The following TAFA5 variants were observed in gnomAD, a reference collection of about 807,000 sequenced individuals.
The protein encoded by TAFA5 is TAFA chemokine like family member 5.
In TAFA5, 6 loss-of-function variants were observed where a neutral mutation model predicts 15.3. The ratio of observed to expected loss-of-function variants is 0.39; its 90% CI spans 0.21 to 0.77. The LOEUF (loss-of-function observed/expected upper bound fraction) is 0.77. Among genes scored for constraint, TAFA5 ranks in the 30% least tolerant of loss-of-function variants. TAFA5 has a pLI of 0.41. For missense variants in TAFA5, 161 were observed against 193.1 expected (o/e 0.83, Z 0.98); for synonymous variants, 103 against 80.7 (o/e 1.28, Z -1.48).
At chr22:48,546,677 AGGATGGGGGGCT>A (rs2147123968) in intron 1 of TAFA5, 2 of 454,826 alleles carry the variant, frequency 4.4e-6, no homozygotes, top group South Asian at 1.6e-5. Flanking sequence ...GAGGGTCCGC[AGGATGGGGGGCT>A]CACCTCCATT....
chr22:48,627,937 G>T (rs796473833), intron 1 of TAFA5, among the ~76,000 whole-genome samples: 3 of 152,344 alleles, frequency 2.0e-5, no homozygotes, highest in African/African-American at 7.2e-5. Flanking sequence ...GACCCGGCAG[G>T]CAGGTGTGTG....
At chr22:48,733,328 C>T (rs916119473) in intron 3 of TAFA5, among the ~76,000 whole-genome samples, 2 of 152,220 alleles carry the variant, frequency 1.3e-5, no homozygotes, top group African/African-American at 4.8e-5. Context: ...CAGGGCCCAG[C>T]GTCCATCTGA....
intron 1 of TAFA5, among the ~76,000 whole-genome samples, chr22:48,496,188 G>C (rs569975632): frequency 1.3e-5 from 2 of 152,328 alleles, no homozygotes; most frequent in Admixed American, 1.3e-4. Flanking sequence ...TGTGTGTTGT[G>C]GTGGCCACTG....
At position 48,646,763 on chromosome 22, in the gene TAFA5, C is replaced by T; in HGVS notation, c.262+17C>T. 3 of 1,557,648 alleles carry T rather than the reference C, an allele frequency of 1.9e-6. No individual in the cohort carries two copies. Among genetic ancestry groups the T allele is most frequent in the Non-Finnish European group, 2.6e-6 (3 of 1,156,074 alleles). ...GTGTGGACGGTAAGCACCCGTGGCCCCAGGACCCCTCCGGGTGCTGAGCGC... is the reference window on the plus strand; with the variant it reads ...GTGTGGACGGTAAGCACCCGTGGCCTCAGGACCCCTCCGGGTGCTGAGCGC... On this transcript the variant is annotated intron_variant, in intron 2 of 3. Transcript: ENST00000402357.
chr22:48,500,593 C>T (rs752986422), intron 1 of TAFA5, among the ~76,000 whole-genome samples: 24 of 152,224 alleles, frequency 1.6e-4, no homozygotes, highest in Non-Finnish European at 3.4e-4. Context: ...CTGTGCTGTC[C>T]GCCTCTTCTC....
At chr22:48,542,325 A>ATGTGTGTGGTG (rs781381084) in intron 1 of TAFA5, among the ~76,000 whole-genome samples, 14 of 52,054 alleles carry the variant, frequency 2.7e-4, no homozygotes, top group African/African-American at 7.8e-4. Context: ...TGTGTGTGTG[A>ATGTGTGTGGTG]TGTGTGTGGT....
At chr22:48,582,778 C>CATGAAAT (rs1924120682) in intron 1 of TAFA5, among the ~76,000 whole-genome samples, 1 of 150,562 alleles carries the variant, frequency 6.6e-6, no homozygotes, top group Non-Finnish European at 1.5e-5. Context: ...ATACACCACA[C>CATGAAAT]ACACCACACA....
Position 48,711,472 on chromosome 22 carries a change from C to T in TAFA5, c.390+3628C>T, listed in dbSNP as rs78999808. Among the ~76,000 whole-genome samples, 813 of 152,026 alleles carry T rather than the reference C, an allele frequency of 5.3e-3. 31 individuals carry two copies. In the East Asian group the frequency reaches 0.11, roughly 21 times the overall value. Reference sequence around the variant, plus strand: ...AAGTCTCTGGGAACAGCAGGAGAGCCGGCTCCTAATGGAATCACTGGCCTG... The same window carrying T: ...AAGTCTCTGGGAACAGCAGGAGAGCTGGCTCCTAATGGAATCACTGGCCTG... On this transcript the variant is annotated intron_variant, in intron 3 of 3. Transcript: ENST00000402357.
chr22:48,497,049 G>A (rs1301378312), intron 1 of TAFA5, among the ~76,000 whole-genome samples: 2 of 152,040 alleles, frequency 1.3e-5, no homozygotes, highest in Non-Finnish European at 2.9e-5. Flanking sequence ...CCCGCACAGG[G>A]ACTGCAGGCC....
At chr22:48,516,248 G>A (rs1921402167) in intron 1 of TAFA5, among the ~76,000 whole-genome samples, 1 of 152,122 alleles carries the variant, frequency 6.6e-6, no homozygotes, top group East Asian at 1.9e-4. Flanking sequence ...TAGGTGGAAC[G>A]GCATATGCTT....
Position 48,699,410 on chromosome 22 carries a change from C to T in TAFA5, c.263-8307C>T, listed in dbSNP as rs527549916. Among the ~76,000 whole-genome samples the T allele has an allele frequency of 2.6e-5, 4 of 152,146 alleles. No homozygotes were observed. The South Asian group carries it at 8.3e-4, about 32-fold the overall frequency. ...AAACACAAAACAGCGAAACCAATAA[C>T]ATTTAAAGTTGCAGCACGCGTTTTG... On this transcript the variant is annotated intron_variant, in intron 2 of 3. Coordinates refer to ENST00000402357, the MANE Select transcript of TAFA5 (RefSeq NM_001082967.3).
Position 48,742,743 on chromosome 22 carries a change from C to T in TAFA5, c.391-7096C>T, listed in dbSNP as rs1389426264. 1.3e-5 allele frequency among the ~76,000 whole-genome samples: 2 copies of T among 152,168 alleles called. No individual in the cohort carries two copies. Among genetic ancestry groups the T allele is most frequent in the African/African-American group, 4.8e-5 (2 of 41,430 alleles). Reference sequence around the variant, plus strand: ...TGGTGAAGCCGGCAGCACAGTGGAGCAGGCATTATGGTGGACTGGGCAGCA... The same window carrying T: ...TGGTGAAGCCGGCAGCACAGTGGAGTAGGCATTATGGTGGACTGGGCAGCA... On this transcript the variant is annotated intron_variant, in intron 3 of 3. Transcript: ENST00000402357. This position sits in a 1 kb window ranked among gnomAD's most constrained non-coding sequence, Gnocchi z 6.2.
intron 1 of TAFA5, among the ~76,000 whole-genome samples, chr22:48,624,353 T>G (rs2147184679): frequency 6.6e-6 from 1 of 152,266 alleles, no homozygotes; most frequent in East Asian, 1.9e-4. Context: ...AGGTCGCTCT[T>G]TCTCCCATAG....
intron 2 of TAFA5, among the ~76,000 whole-genome samples, chr22:48,660,196 T>C (rs1324598164): frequency 6.6e-6 from 1 of 152,214 alleles, no homozygotes; most frequent in Non-Finnish European, 1.5e-5. Flanking sequence ...TCGGACACGC[T>C]GTGCCCTCAC....
chr22:48,493,235 A>G (rs1928216329), intron 1 of TAFA5, among the ~76,000 whole-genome samples: 1 of 152,218 alleles, frequency 6.6e-6, no homozygotes, highest in African/African-American at 2.4e-5. Context: ...GACCCAGACT[A>G]TATTTCAGCG....
At chr22:48,663,033 GGAGGGAC>G (rs922492026) in intron 2 of TAFA5, among the ~76,000 whole-genome samples, 6 of 152,246 alleles carry the variant, frequency 3.9e-5, no homozygotes, top group Non-Finnish European at 8.8e-5. Flanking sequence ...GGGAGCTGCA[GGAGGGAC>G]GTGGGGATGC....
At chr22:48,586,246 C>G (rs751922477) in intron 1 of TAFA5, among the ~76,000 whole-genome samples, 15 of 152,278 alleles carry the variant, frequency 9.9e-5, no homozygotes, top group Non-Finnish European at 1.6e-4. Context: ...TCTATGACCC[C>G]AGGCAGAGGT....
intron 2 of TAFA5, among the ~76,000 whole-genome samples, chr22:48,697,510 A>G (rs1928752724): frequency 6.6e-6 from 1 of 151,902 alleles, no homozygotes; most frequent in African/African-American, 2.4e-5. Context: ...GGTTATGATA[A>G]TGACATTGAT....
chr22:48,620,079 G>A (rs369680992), intron 1 of TAFA5, among the ~76,000 whole-genome samples: 17 of 152,214 alleles, frequency 1.1e-4, no homozygotes, highest in African/African-American at 2.7e-4. Context: ...GGATGGCGGC[G>A]TCGAGGAAGG....
Sources: gnomAD v4.1 joint callset for allele counts (sites outside exome capture counted in the v4.1 genomes callset) on GRCh38, gnomAD v4.1.1 for gene constraint, Gnocchi (gnomAD v3.1) non-coding constraint, MANE v1.5 for transcripts, NCBI Gene and HGNC (gene_info 2026-07-23, HGNC 2026-07-21) for gene names.